Variants in AP3B2 observed in about 807,000 individuals in gnomAD.
The protein encoded by AP3B2 is adaptor related protein complex 3 subunit beta 2.
In AP3B2, 50 loss-of-function variants were observed where a neutral mutation model predicts 126.9. The ratio of observed to expected loss-of-function variants is 0.39; its 90% CI spans 0.31 to 0.50. The LOEUF is 0.50. Ranked by LOEUF, AP3B2 falls within the 20% of genes least tolerant of loss-of-function variation. AP3B2 has a pLI of 0.79. For missense variants in AP3B2, 1,177 were observed against 1,426.4 expected, an observed-to-expected ratio of 0.83 and a Z score of 2.82; for synonymous variants, 541 against 565.0, an observed-to-expected ratio of 0.96 and a Z score of 0.60.
At position 82,659,921 on chromosome 15, in the gene AP3B2, C is replaced by T. The variant is rs926669195; in HGVS notation, c.3079G>A (p.Asp1027Asn). 5.6e-6 allele frequency: 9 copies of T among 1,613,954 alleles called. No homozygotes were observed. The highest frequency in any genetic ancestry group is 6.8e-6 in the Non-Finnish European group (8 of 1,179,868). Residue 1027 changes from aspartate to asparagine, a missense_variant, in exon 26 of 27, where the codon GAC becomes AAC. Asp to Asn is a conservative substitution (Grantham distance 23). Transcript: ENST00000535359. The stretch of plus-strand genomic sequence containing the variant: ...GTCACTTTCTGCACCACAATGTGGT[C>T]ACTCCGACAGGTGTCTGGCAGCATG... ...KLMLPDTCRS[D>N]HIVVQKVTAT...
At chr15:82,670,112 T>G (rs1016995952) in intron 14 of AP3B2, among the ~76,000 whole-genome samples, 62 of 68,904 alleles carry the variant, frequency 9.0e-4, no homozygotes, top group African/African-American at 2.7e-3. Flanking sequence ...TTTTTTTTTT[T>G]GGCGGGGGGG....
chr15:82,708,390 G>A (rs2048829668), intron 1 of AP3B2, among the ~76,000 whole-genome samples: 1 of 152,080 alleles, frequency 6.6e-6, no homozygotes, highest in African/African-American at 2.4e-5. Flanking sequence ...TCTTCACATG[G>A]ACGTGCGTGA....
intron 1 of AP3B2, among the ~76,000 whole-genome samples, chr15:82,702,698 C>T (rs1240769452): frequency 6.6e-6 from 1 of 152,050 alleles, no homozygotes. Context: ...ACTCAGCCGG[C>T]CTGCAACCAG....
At position 82,677,696 on chromosome 15, in the gene AP3B2, C is replaced by T. The variant is rs778952527; in HGVS notation, c.1353G>A (p.Leu451=). ...GRVRDTCLNG[L]VQLLSNRDEL... ...CATCACGGTTGGACAGCAGCTGCAC[C>T]AGGCCATTGAGGCAGGTGTCACGGA... Residue 451 remains leucine, a synonymous_variant, in exon 12 of 27, where the codon CTG becomes CTA. Coordinates refer to ENST00000535359, the MANE Select transcript of AP3B2 (RefSeq NM_001278512.2). 1.1e-5 allele frequency: 17 copies of T among 1,580,894 alleles called. No homozygotes were observed. Among genetic ancestry groups the T allele is most frequent in the Non-Finnish European group, 1.3e-5 (15 of 1,163,108 alleles).
At chr15:82,690,159 G>A (rs778461888) in intron 1 of AP3B2, among the ~76,000 whole-genome samples, 1 of 152,068 alleles carries the variant, frequency 6.6e-6, no homozygotes, top group Non-Finnish European at 1.5e-5. Context: ...CCGACACCTT[G>A]AGTTCAGACT....
intron 1 of AP3B2, among the ~76,000 whole-genome samples, chr15:82,700,553 C>G (rs976175578): frequency 4.6e-5 from 7 of 151,454 alleles, no homozygotes; most frequent in African/African-American, 1.7e-4. Flanking sequence ...CATACACCAC[C>G]ACACCTGGCT....
Position 82,661,109 on chromosome 15 carries a change from T to A in AP3B2, c.3016+716A>T, listed in dbSNP as rs148762287. ...GCTCCTTCTCTTATCCCTCCCCTCC[T>A]CTTTCTTCTGCAGAATTCAGGTTTT... On this transcript the variant is annotated intron_variant, in intron 25 of 26. Transcript: ENST00000535359. Among the ~76,000 whole-genome samples the A allele has an allele frequency of 1.2e-3, 179 of 152,264 alleles. 2 individuals are homozygous for A. Among genetic ancestry groups the A allele is most frequent in the Middle Eastern group, 3.4e-3 (1 of 294 alleles).
At chr15:82,662,038 G>T (rs976356767) in intron 24 of AP3B2, 116 bp from the exon 25 acceptor site, 10 of 1,281,930 alleles carry the variant, frequency 7.8e-6, no homozygotes, top group African/African-American at 2.9e-5. Context: ...AGGAATGAGG[G>T]CCTGAGATGG....
chr15:82,709,513 G>C (rs2048849001), intron 1 of AP3B2, 81 bp downstream of exon 1: 6 of 1,015,550 alleles, frequency 5.9e-6, no homozygotes, highest in East Asian at 4.2e-5. Flanking sequence ...CGCTGGGGCC[G>C]GGCGCTGTCC....
chr15:82,672,271 A>G (rs535175175), intron 14 of AP3B2, among the ~76,000 whole-genome samples: 31 of 152,344 alleles, frequency 2.0e-4, no homozygotes, highest in African/African-American at 7.5e-4. Flanking sequence ...GTACTATAAA[A>G]AAAGAATAAA....
At chr15:82,670,942 T>C (rs531037600) in intron 14 of AP3B2, among the ~76,000 whole-genome samples, 37 of 152,236 alleles carry the variant, frequency 2.4e-4, no homozygotes, top group Non-Finnish European at 5.1e-4. Context: ...AACACGTATA[T>C]GAAAAGGTGA....
Position 82,664,571 on chromosome 15 carries a change from A to G in AP3B2, c.2138-81T>C. On this transcript the variant is annotated intron_variant, in intron 18 of 26. Transcript: ENST00000535359. This position sits in a 1 kb window ranked among gnomAD's most constrained non-coding sequence, Gnocchi z 4.5. ...GAGCAGACACCTGGGTTCCACCTTC[A>G]CATTCAGTACTGAACCCTCAAACCT... The G allele has an allele frequency of 6.5e-7, 1 of 1,529,388 alleles. No homozygotes were observed. Among genetic ancestry groups the G allele is most frequent in the South Asian group, 1.2e-5 (1 of 83,628 alleles). 94.7% of individuals were successfully genotyped at this position (1,529,388 alleles called of 1,614,324 possible). A position where few individuals can be genotyped will look rare whatever the true frequency, so the allele number is the denominator to read the frequency against.
Position 82,680,506 on chromosome 15 carries a change from C to T in AP3B2, c.1021G>A (p.Ala341Thr), listed in dbSNP as rs2048319249. ...LAPKAEVGVIAKALVRLLRSH... is the reference protein window; with the variant it reads ...LAPKAEVGVITKALVRLLRSH... ...CGCAGCAGGCGCACCAGCGCCTTGG[C>T]GATGACGCCCACTTCCGCCTTGGGC... Residue 341 changes from alanine (A) to threonine (T), a missense_variant, in exon 8 of 27, where the codon GCC becomes ACC. Transcript: ENST00000535359. The surrounding 1 kb of genome is among the most constrained non-coding windows in gnomAD (Gnocchi z 6.1). The T allele has an allele frequency of 6.5e-7, 1 of 1,528,160 alleles. No homozygotes were observed. Among genetic ancestry groups the T allele is most frequent in the South Asian group, 1.2e-5 (1 of 83,672 alleles). The allele number at this position is 1,528,160 out of a possible 1,614,324, so 94.7% of individuals were successfully genotyped here.
In AP3B2 at chr15:82,664,316, C is replaced by A; in HGVS notation, c.2261+51G>T. The A allele has an allele frequency of 1.2e-6, 2 of 1,611,876 alleles. No individual in the cohort carries two copies. The highest frequency in any genetic ancestry group is 2.2e-5 in the South Asian group (2 of 90,980). On this transcript the variant is annotated intron_variant, in intron 19 of 26. Coordinates refer to ENST00000535359, the MANE Select transcript of AP3B2 (RefSeq NM_001278512.2). The surrounding 1 kb of genome is among the most constrained non-coding windows in gnomAD (Gnocchi z 4.5). ...CTAAAGCTCAATGCTAGCCCTCTTT[C>A]CAGGAAAGCCCCCTGAACCCCACCA...
chr15:82,670,531 C>T (rs1414460900), intron 14 of AP3B2, among the ~76,000 whole-genome samples: 1 of 152,206 alleles, frequency 6.6e-6, no homozygotes, highest in African/African-American at 2.4e-5. Context: ...ACCCCTATCT[C>T]TCACCATATG....
At chr15:82,689,594 G>C (rs752782786) in intron 1 of AP3B2, 141 bp from the exon 2 acceptor site, 4 of 694,558 alleles carry the variant, frequency 5.8e-6, no homozygotes, top group Non-Finnish European at 9.9e-6. Context: ...GAGCCAGGGG[G>C]AACAAGTAAA....
At position 82,659,655 on chromosome 15, in the gene AP3B2, G is replaced by A. The variant is rs35816065; in HGVS notation, c.3211C>T (p.Arg1071Trp). 217 of 1,613,916 alleles carry A rather than the reference G, an allele frequency of 1.3e-4. 1 individual carries two copies. The African/African-American group carries it at 2.3e-3, about 17-fold the overall frequency. ...GSLVLLTLDA[R>W]PAGAAQLTVN... ...GTCAGCTGGGCAGCTCCAGCTGGCC[G>A]GGCATCCAGGGTCAGCAGAACGAGG... Residue 1071 changes from arginine (R) to tryptophan (W), a missense_variant, in exon 27 of 27, where the codon CGG becomes TGG. Arg to Trp is a moderately radical substitution (Grantham distance 101). Coordinates refer to ENST00000535359, the MANE Select transcript of AP3B2 (RefSeq NM_001278512.2).
intron 4 of AP3B2, chr15:82,685,655 T>C (rs1395619395): frequency 3.3e-5 from 5 of 152,220 alleles, no homozygotes; most frequent in Non-Finnish European, 7.3e-5. Context: ...TGGGAAATGA[T>C]TATAGATTCA....
rs753776300 is a variant in AP3B2, at chr15:82,663,817, G to T, written c.2420C>A (p.Ser807Tyr). 3 of 1,613,276 alleles carry T rather than the reference G, an allele frequency of 1.9e-6. No individual in the cohort carries two copies. The highest frequency in any genetic ancestry group is 1.7e-4 in the Middle Eastern group (1 of 6,056). Residue 807 changes from serine to tyrosine, a missense_variant, in exon 20 of 27, where the codon TCC (serine) becomes TAC (tyrosine). Ser to Tyr is a moderately radical substitution (Grantham distance 144, BLOSUM62 -2). This residue lies in a region of AP3B2 where 587 missense variants were observed against 571.3 expected (regional missense o/e 1.03). Transcript: ENST00000535359. ...GGCTCTCACTGTTTTCCTGCTCCAG[G>T]AGGCAGGTTCTAACTGCTCCTCCTC... is the stretch of plus-strand genomic sequence containing the variant. ...ESEEEQLEPA[S>Y]WSRKTPPSSK...
Sources: allele counts gnomAD v4.1 joint callset (sites outside exome capture counted in the v4.1 genomes callset), GRCh38; gene constraint gnomAD v4.1.1; regional missense constraint gnomAD v4.1.1; non-coding constraint Gnocchi (gnomAD v3.1); transcripts MANE v1.5; gene names NCBI Gene and HGNC (gene_info 2026-07-23, HGNC 2026-07-21).